Variants in CARS1 observed in about 807,000 individuals in gnomAD.
The protein encoded by CARS1 is cysteine--tRNA ligase, cytoplasmic.
A neutral mutation model predicts 106.2 loss-of-function variants in CARS1; 48 were observed. The observed-to-expected ratio is 0.45, with a 90% confidence interval of 0.36 to 0.57. CARS1 has a LOEUF of 0.57. Among genes scored for constraint, CARS1 ranks in the 20% least tolerant of loss-of-function variants. CARS1 has a pLI of 0.00. For missense variants in CARS1, 968 were observed against 1,057.2 expected (o/e 0.92, Z 1.17); for synonymous variants, 409 against 403.4 (o/e 1.01, Z -0.17).
intron 21 of CARS1, 32 bp downstream of exon 21, chr11:3,002,509 T>C (rs200066221): frequency 2.9e-5 from 46 of 1,613,010 alleles, no homozygotes; most frequent in Non-Finnish European, 3.4e-5. Context: ...TCCTGCCCAG[T>C]AGAGCCCTCA....
chr11:3,050,197 G>A lies in CARS1; in HGVS notation c.26-2196C>T, dbSNP rs1449910118. Among the ~76,000 whole-genome samples the A allele has an allele frequency of 6.6e-6, 1 of 152,166 alleles. No individual in the cohort carries two copies. The highest frequency in any genetic ancestry group is 1.5e-5 in the Non-Finnish European group (1 of 68,024). On this transcript the variant is annotated intron_variant, in intron 1 of 22. Transcript: ENST00000380525. The surrounding 1 kb of genome is among the most constrained non-coding windows in gnomAD (Gnocchi z 6.3). Reference sequence around the variant, plus strand: ...TTCCTGAAGTCTCAACATGGATGCAGGGCTTAAAATGGCTTCCTGGGATGA... The same window carrying A: ...TTCCTGAAGTCTCAACATGGATGCAAGGCTTAAAATGGCTTCCTGGGATGA...
Position 3,037,692 on chromosome 11 carries a change from A to G in CARS1, c.801+358T>C, listed in dbSNP as rs1170990680. The stretch of plus-strand genomic sequence containing the variant: ...TGTTAATCCCTGCTCCTCCTTCTCC[A>G]GCTGGTGTGGGGAGAGTCCGCTGGA... On this transcript the variant is annotated intron_variant, in intron 7 of 22. Transcript: ENST00000380525. This position sits in a 1 kb window ranked among gnomAD's most constrained non-coding sequence, Gnocchi z 5.9. 6.6e-6 allele frequency among the ~76,000 whole-genome samples: 1 copy of G among 152,210 alleles called. No homozygotes were observed. Among genetic ancestry groups the G allele is most frequent in the East Asian group, 1.9e-4 (1 of 5,194 alleles).
Position 3,022,381 on chromosome 11 carries a change from C to G in CARS1, c.1154-2049G>C, listed in dbSNP as rs79640270. On this transcript the variant is annotated intron_variant, in intron 10 of 22. Coordinates refer to ENST00000380525, the MANE Select transcript of CARS1 (RefSeq NM_001014437.3). This position sits in a 1 kb window ranked among gnomAD's most constrained non-coding sequence, Gnocchi z 4.9. ...ACTTCGCCCCTCACTTCCCCAGCAACCGGCAATCCCCATCACCTGTCCAGA... is the reference window on the plus strand; with the variant it reads ...ACTTCGCCCCTCACTTCCCCAGCAAGCGGCAATCCCCATCACCTGTCCAGA... Among the ~76,000 whole-genome samples, 121 of 152,270 alleles carry G rather than the reference C, an allele frequency of 7.9e-4. 2 individuals carry two copies. Among genetic ancestry groups the G allele is most frequent in the Middle Eastern group, 3.4e-3 (1 of 294 alleles).
chr11:3,004,823 T>C lies in CARS1; in HGVS notation c.2217+543A>G, dbSNP rs1159490666. Among the ~76,000 whole-genome samples the C allele has an allele frequency of 6.6e-6, 1 of 152,056 alleles. No homozygotes were observed. The highest frequency in any genetic ancestry group is 1.5e-5 in the Non-Finnish European group (1 of 67,994). The stretch of plus-strand genomic sequence containing the variant: ...GGACTGGGATCTTAACATGTCAGCT[T>C]CGGGCCAGGCGTGGTGGCTCAAGCC... On this transcript the variant is annotated intron_variant, in intron 20 of 22. Coordinates refer to ENST00000380525, the MANE Select transcript of CARS1 (RefSeq NM_001014437.3). This position sits in a 1 kb window ranked among gnomAD's most constrained non-coding sequence, Gnocchi z 5.2.
intron 10 of CARS1, among the ~76,000 whole-genome samples, chr11:3,025,250 CAG>C (rs1382891965): frequency 6.6e-6 from 1 of 152,132 alleles, no homozygotes; most frequent in Non-Finnish European, 1.5e-5. Context: ...TTTTTTGAGA[CAG>C]AGTCTCATTC....
rs893794701 is a variant in CARS1 at position 3,043,237 on chromosome 11, G to C, written c.275-981C>G. Among the ~76,000 whole-genome samples, 2 of 152,020 alleles carry C rather than the reference G, an allele frequency of 1.3e-5. No individual in the cohort carries two copies. Among genetic ancestry groups the C allele is most frequent in the Admixed American group, 1.3e-4 (2 of 15,266 alleles). Reference sequence around the variant, plus strand: ...CTGTCCTTACACAACCTGCATCTGAGATCCCTGAAGGGGCAGAGCTCTGTC... The same window carrying C: ...CTGTCCTTACACAACCTGCATCTGACATCCCTGAAGGGGCAGAGCTCTGTC... On this transcript the variant is annotated intron_variant, in intron 2 of 22. Coordinates refer to ENST00000380525, the MANE Select transcript of CARS1 (RefSeq NM_001014437.3). The surrounding 1 kb of genome is among the most constrained non-coding windows in gnomAD (Gnocchi z 4.0).
chr11:3,019,041 G>A lies in CARS1; in HGVS notation c.1395+98C>T. ...GCCCCGATGAAGGTGTCAAGTTCTA[G>A]TGAGAGAGGCCCTTCTGAGGCCTGG... On this transcript the variant is annotated intron_variant, in intron 12 of 22. Coordinates refer to ENST00000380525, the MANE Select transcript of CARS1 (RefSeq NM_001014437.3). The surrounding 1 kb of genome is among the most constrained non-coding windows in gnomAD (Gnocchi z 6.2). The A allele has an allele frequency of 1.5e-6, 2 of 1,361,430 alleles. No individual in the cohort carries two copies. The highest frequency in any genetic ancestry group is 2.0e-6 in the Non-Finnish European group (2 of 1,006,226). The allele number at this position is 1,361,430 out of a possible 1,614,324, so 84.3% of individuals were successfully genotyped here.
At position 3,029,715 on chromosome 11, in the gene CARS1, C is replaced by T. The variant is rs896865071; in HGVS notation, c.802-272G>A. The T allele has an allele frequency of 1.3e-5, 6 of 474,494 alleles. No individual in the cohort carries two copies. The highest frequency in any genetic ancestry group is 2.2e-5 in the Non-Finnish European group (6 of 267,122). The allele number at this position is 474,494 out of a possible 1,614,324, so 29.4% of individuals were successfully genotyped here. A position where few individuals can be genotyped will look rare whatever the true frequency, so the allele number is the denominator to read the frequency against. On this transcript the variant is annotated intron_variant, in intron 7 of 22. Transcript: ENST00000380525. This position sits in a 1 kb window ranked among gnomAD's most constrained non-coding sequence, Gnocchi z 5.9. ...CAGAGGCAAAAAGAGGTGGGAGGGCCGAGGTGGGCCTGGTGAGCATGTGCA... is the reference window on the plus strand; with the variant it reads ...CAGAGGCAAAAAGAGGTGGGAGGGCTGAGGTGGGCCTGGTGAGCATGTGCA...
At chr11:3,049,331 C>T (rs1855427945) in intron 1 of CARS1, among the ~76,000 whole-genome samples, 1 of 152,166 alleles carries the variant, frequency 6.6e-6, no homozygotes, top group South Asian at 2.1e-4. Flanking sequence ...TGGCAGGGAA[C>T]GCAGCTCCTT....
chr11:3,001,871 C>G (rs1048572774), intron 22 of CARS1, 99 bp downstream of exon 22: 6 of 986,498 alleles, frequency 6.1e-6, no homozygotes, highest in Non-Finnish European at 9.8e-6. Context: ...TTTCTACAGA[C>G]AGAAAATCTG....
chr11:3,010,033 T>C (rs1288025277), intron 18 of CARS1, among the ~76,000 whole-genome samples: 3 of 152,236 alleles, frequency 2.0e-5, no homozygotes, highest in African/African-American at 7.2e-5. Context: ...AGGGTAGGGA[T>C]CACCACCATC....
Position 3,041,184 on chromosome 11 carries a change from C to A in CARS1, c.367-200G>T, listed in dbSNP as rs1412970545. On this transcript the variant is annotated intron_variant, in intron 3 of 22. Coordinates refer to ENST00000380525, the MANE Select transcript of CARS1 (RefSeq NM_001014437.3). This position sits in a 1 kb window ranked among gnomAD's most constrained non-coding sequence, Gnocchi z 4.9. The stretch of plus-strand genomic sequence containing the variant: ...TACGGCACCTCCCACCAACTGAGCC[C>A]TGGGTGGGTGGGGCCTCTTCCTCCC... 7 of 683,760 alleles carry A rather than the reference C, an allele frequency of 1.0e-5. No individual in the cohort carries two copies. In the African/African-American group the frequency reaches 1.1e-4, roughly 11 times the overall value. The allele number at this position is 683,760 out of a possible 1,614,324, so 42.4% of individuals were successfully genotyped here.
intron 18 of CARS1, chr11:3,007,745 C>T (rs1850036979): frequency 1.6e-5 from 1 of 62,544 alleles, no homozygotes; most frequent in Non-Finnish European, 4.0e-5. Context: ...CTGTGGCTGA[C>T]TTCAGAGCGC....
chr11:3,042,100 A>G (rs1297950862), intron 3 of CARS1, 65 bp downstream of exon 3: 11 of 1,214,430 alleles, frequency 9.1e-6, no homozygotes, highest in Admixed American at 3.5e-5. Context: ...GACAAGGCAC[A>G]TGGGCTGTCC....
chr11:3,049,687 AGCTGCCCTTCCTGGGCACAG>A (rs367774448), intron 1 of CARS1, among the ~76,000 whole-genome samples: 17 of 152,346 alleles, frequency 1.1e-4, no homozygotes, highest in African/African-American at 3.6e-4. Context: ...TTGCTGTGCC[AGCTGCCCTTCCTGGGCACAG>A]GCTGCCCGAC....
chr11:3,005,528 G>A (rs1371148555), intron 19 of CARS1, 95 bp from the exon 20 acceptor site: 4 of 916,948 alleles, frequency 4.4e-6, no homozygotes, highest in Non-Finnish European at 7.0e-6. Context: ...CCCAGACCAT[G>A]CGGTGCTGCC....
In CARS1 at chr11:3,054,787, C is replaced by T; in HGVS notation, c.25+2556G>A. On this transcript the variant is annotated intron_variant, in intron 1 of 22. Coordinates refer to ENST00000380525, the MANE Select transcript of CARS1 (RefSeq NM_001014437.3). ...AGATGCAAAGCATTTAGAGCAGTGCCTGGCACAGACTCATGCTGAAAAAAT... is the reference window on the plus strand; with the variant it reads ...AGATGCAAAGCATTTAGAGCAGTGCTTGGCACAGACTCATGCTGAAAAAAT... The T allele has an allele frequency of 4.4e-6, 3 of 685,524 alleles. No individual in the cohort carries two copies. In the South Asian group the frequency reaches 4.6e-5, roughly 11 times the overall value. The allele number at this position is 685,524 out of a possible 1,614,324, so 42.5% of individuals were successfully genotyped here. A position where few individuals can be genotyped will look rare whatever the true frequency, so the allele number is the denominator to read the frequency against.
intron 18 of CARS1, chr11:3,007,281 A>C (rs1444532716): frequency 9.9e-6 from 4 of 404,344 alleles, no homozygotes; most frequent in Non-Finnish European, 1.8e-5. Context: ...GGAAAGGGAC[A>C]CAAGTTGGGC....
chr11:3,029,816 A>G lies in CARS1; in HGVS notation c.802-373T>C. Reference sequence around the variant, plus strand: ...CACACAGTGTGTCACCTACAGCACAACCCCTTGGTGCATTCAGGAAAAGAT... The same window carrying G: ...CACACAGTGTGTCACCTACAGCACAGCCCCTTGGTGCATTCAGGAAAAGAT... On this transcript the variant is annotated intron_variant, in intron 7 of 22. Coordinates refer to ENST00000380525, the MANE Select transcript of CARS1 (RefSeq NM_001014437.3). This position sits in a 1 kb window ranked among gnomAD's most constrained non-coding sequence, Gnocchi z 5.9. 4.4e-6 allele frequency: 1 copy of G among 229,280 alleles called. No homozygotes were observed. The allele number at this position is 229,280 out of a possible 1,614,324, so 14.2% of individuals were successfully genotyped here. A position where few individuals can be genotyped will look rare whatever the true frequency, so the allele number is the denominator to read the frequency against.
Sources: allele counts gnomAD v4.1 joint callset (sites outside exome capture counted in the v4.1 genomes callset), GRCh38; gene constraint gnomAD v4.1.1; non-coding constraint Gnocchi (gnomAD v3.1); transcripts MANE v1.5; gene names NCBI Gene and HGNC (gene_info 2026-07-23, HGNC 2026-07-21).